The following DDHD2 variants were observed in gnomAD, a reference collection of about 807,000 sequenced individuals.
The protein encoded by DDHD2 is triacylglycerol hydrolase DDHD2.
DDHD2 carries 62 observed loss-of-function variants against 91.2 expected under a neutral mutation model. That is an observed-to-expected ratio of 0.68 (90% CI 0.55 to 0.84). The LOEUF (loss-of-function observed/expected upper bound fraction) is 0.84. DDHD2 is among the 40% of genes least tolerant of loss of function. DDHD2 has a pLI of 0.00. For missense variants in DDHD2, 740 were observed against 846.9 expected, an observed-to-expected ratio of 0.87 and a Z score of 1.57; for synonymous variants, 271 against 293.9, an observed-to-expected ratio of 0.92 and a Z score of 0.80.
downstream of DDHD2, chr8:38,264,978 G>T (rs754056856): frequency 2.6e-6 from 4 of 1,523,322 alleles, no homozygotes; most frequent in East Asian, 9.0e-5. Context: ...TATTTTAAGA[G>T]TTGCTTCTCG....
Position 38,262,305 on chromosome 8 carries a change from G to C in DDHD2, c.*1732G>C, listed in dbSNP as rs1563320554. 6.6e-6 allele frequency: 1 copy of C among 152,130 alleles called. No homozygotes were observed. The allele number at this position is 152,130 out of a possible 1,614,324, so 9.4% of individuals were successfully genotyped here. ...TTGGCAGAATAGGTGCTATTTAAGA[G>C]TAAACCAAAGGATAAGCAGAGGGAG... On this transcript the variant is annotated 3_prime_UTR_variant, in exon 18 of 18. Coordinates refer to ENST00000397166, the MANE Select transcript of DDHD2 (RefSeq NM_015214.3).
At chr8:38,244,082 C>T (rs1027258772) in intron 7 of DDHD2, among the ~76,000 whole-genome samples, 1 of 151,230 alleles carries the variant, frequency 6.6e-6, no homozygotes, top group African/African-American at 2.4e-5. Context: ...GGATTACAGG[C>T]GTGAGCCACC....
chr8:38,248,374 T>G (rs1438414980), intron 10 of DDHD2, among the ~76,000 whole-genome samples: 2 of 151,832 alleles, frequency 1.3e-5, no homozygotes, highest in Admixed American at 6.6e-5. Flanking sequence ...TGATTTGTTT[T>G]TTTTTTTTTT....
At chr8:38,259,053 C>T (rs989711645) in intron 16 of DDHD2, among the ~76,000 whole-genome samples, 3 of 152,046 alleles carry the variant, frequency 2.0e-5, no homozygotes, top group African/African-American at 4.8e-5. Context: ...AGGGAGACTT[C>T]GTTACTTTCT....
chr8:38,247,725 A>G lies in DDHD2; in HGVS notation c.1138A>G (p.Ile380Val). 1 of 1,512,560 alleles carries G rather than the reference A, an allele frequency of 6.6e-7. No individual in the cohort carries two copies. The highest frequency in any genetic ancestry group is 8.9e-7 in the Non-Finnish European group (1 of 1,126,368). 93.7% of individuals were successfully genotyped at this position (1,512,560 alleles called of 1,614,324 possible). A position where few individuals can be genotyped will look rare whatever the true frequency, so the allele number is the denominator to read the frequency against. The change falls in exon 10 of 18, where the codon ATT becomes GTT. Residue 380 changes from isoleucine to valine, a missense_variant. Ile to Val is a conservative substitution (Grantham distance 29, BLOSUM62 3). Around this residue, in one of 2 missense-constraint regions of DDHD2, gnomAD observed 693 missense variants for 764.2 expected, o/e 0.91. Coordinates refer to ENST00000397166, the MANE Select transcript of DDHD2 (RefSeq NM_015214.3). ...DIDSEKDSLNIVMDQGDTPTL... is the reference protein window; with the variant it reads ...DIDSEKDSLNVVMDQGDTPTL... The stretch of plus-strand genomic sequence containing the variant: ...ATTTAATTTTTAGGATTCGCTAAAT[A>G]TTGTAATGGATCAAGGAGATACACC...
In DDHD2 at chr8:38,249,707, G is replaced by T; in HGVS notation, c.1249-1G>T. 1 of 1,600,560 alleles carries T rather than the reference G, an allele frequency of 6.2e-7. No individual in the cohort carries two copies. Among genetic ancestry groups the T allele is most frequent in the South Asian group, 1.1e-5 (1 of 90,366 alleles). On this transcript the variant is annotated splice_acceptor_variant, in intron 10 of 17. Coordinates refer to ENST00000397166, the MANE Select transcript of DDHD2 (RefSeq NM_015214.3). LOFTEE classifies it high-confidence loss of function. ...AGAAAGACTTGATTTTCTATGCCTAGGCTTTATGTACAGACCGAGATCTTC... is the reference window on the plus strand; with the variant it reads ...AGAAAGACTTGATTTTCTATGCCTATGCTTTATGTACAGACCGAGATCTTC...
In DDHD2 at chr8:38,269,303, G is replaced by A. The variant is rs904036245; in HGVS notation, n.88-1819G>A. ...CCCCTCTCCCAGTTGCCCGCGCTCC[G>A]GCGGCTCCCCAGGAAGACGGCCTGG... is the stretch of plus-strand genomic sequence containing the variant. On this transcript the variant is annotated intron_variant and non_coding_transcript_variant, in intron 1 of 1. Coordinates refer to the DDHD2 transcript ENST00000526071. 6 of 1,202,906 alleles carry A rather than the reference G, an allele frequency of 5.0e-6. No individual in the cohort carries two copies. The African/African-American group carries it at 9.7e-5, about 19-fold the overall frequency. The allele number at this position is 1,202,906 out of a possible 1,614,324, so 74.5% of individuals were successfully genotyped here. A position where few individuals can be genotyped will look rare whatever the true frequency, so the allele number is the denominator to read the frequency against.
intron 9 of DDHD2, chr8:38,247,078 G>C (rs1030600402): frequency 6.6e-6 from 1 of 151,834 alleles, no homozygotes; most frequent in Non-Finnish European, 1.5e-5. Flanking sequence ...TTCCTCCAGA[G>C]CAGAGCTTTT....
rs1805317414 is a variant in DDHD2 at position 38,242,242 on chromosome 8, T to C, written c.713-8T>C. 3.2e-6 allele frequency: 5 copies of C among 1,578,616 alleles called. No homozygotes were observed. The Admixed American group carries it at 1.0e-4, about 33-fold the overall frequency. On this transcript the variant is annotated splice_polypyrimidine_tract_variant and splice_region_variant and intron_variant, in intron 6 of 17. Transcript: ENST00000397166. ...ATTGTTGATGCATAAGTTAATTTTC[T>C]TTTCCAGTTAATGATTTTCGCAGTG...
intron 8 of DDHD2, 128 bp from the exon 9 acceptor site, chr8:38,246,105 T>C (rs1363097556): frequency 9.0e-7 from 1 of 1,106,726 alleles, no homozygotes; most frequent in East Asian, 2.4e-5. Context: ...TGGCGGTAAA[T>C]TGGAAAGAAA....
chr8:38,250,856 T>G (rs779552131), intron 11 of DDHD2: 1 of 152,152 alleles, frequency 6.6e-6, no homozygotes, highest in African/African-American at 2.4e-5. Flanking sequence ...CCAGCCTCTG[T>G]CAACCACTAA....
downstream of DDHD2, chr8:38,265,391 T>G (rs1411717369): frequency 6.5e-6 from 1 of 152,724 alleles, no homozygotes; most frequent in Non-Finnish European, 1.5e-5. Context: ...TGTGTCAGGT[T>G]CAAGCCATTC....
chr8:38,239,720 A>G (rs1805095137), intron 5 of DDHD2, among the ~76,000 whole-genome samples: 1 of 148,294 alleles, frequency 6.7e-6, no homozygotes. Context: ...AAAAAAAAAA[A>G]AAAAAGAGTT....
rs553664064 is a variant in DDHD2 at position 38,260,672 on chromosome 8, C to T, written c.*99C>T. On this transcript the variant is annotated 3_prime_UTR_variant, in exon 18 of 18. Transcript: ENST00000397166. ...GCAATTTTCCTCTCCTCAGCTGCGT[C>T]ATTTCCTGCATGTTGCCTGCCACTT... 6.5e-6 allele frequency: 1 copy of T among 152,922 alleles called. No homozygotes were observed. The highest frequency in any genetic ancestry group is 1.5e-5 in the Non-Finnish European group (1 of 68,268). The allele number at this position is 152,922 out of a possible 1,614,324, so 9.5% of individuals were successfully genotyped here.
chr8:38,243,455 CT>C (rs1805392212), intron 7 of DDHD2, among the ~76,000 whole-genome samples: 1 of 151,876 alleles, frequency 6.6e-6, no homozygotes, highest in South Asian at 2.1e-4. Context: ...TTTTAGAAAA[CT>C]TTTTTTTATT....
At chr8:38,254,430 GAGTGC>G (rs1463674201) in intron 16 of DDHD2, among the ~76,000 whole-genome samples, 4 of 151,896 alleles carry the variant, frequency 2.6e-5, no homozygotes, top group African/African-American at 4.8e-5. Flanking sequence ...ACCCAGGCTG[GAGTGC>G]AGTGGCATGC....
At chr8:38,240,939 C>T (rs1585715957) in intron 6 of DDHD2, among the ~76,000 whole-genome samples, 2 of 152,118 alleles carry the variant, frequency 1.3e-5, no homozygotes, top group South Asian at 2.1e-4. Flanking sequence ...GGCGCAGTGG[C>T]AGGCGCCTGT....
intron 6 of DDHD2, among the ~76,000 whole-genome samples, chr8:38,240,644 A>C (rs1203348670): frequency 6.6e-6 from 1 of 152,192 alleles, no homozygotes; most frequent in East Asian, 1.9e-4. Flanking sequence ...AACTATTTCA[A>C]ATTTACAGGG....
At chr8:38,248,729 G>A (rs566060169) in intron 10 of DDHD2, among the ~76,000 whole-genome samples, 16 of 151,840 alleles carry the variant, frequency 1.1e-4, no homozygotes, top group African/African-American at 3.1e-4. Flanking sequence ...GGCAGATCAC[G>A]AGGTCAGGAG....
Sources: allele counts gnomAD v4.1 joint callset (sites outside exome capture counted in the v4.1 genomes callset), GRCh38; gene constraint gnomAD v4.1.1; regional missense constraint gnomAD v4.1.1; transcripts MANE v1.5; gene names NCBI Gene and HGNC (gene_info 2026-07-23, HGNC 2026-07-21).